The following TECPR1 variants were observed in gnomAD, a reference collection of about 807,000 sequenced individuals.
TECPR1 encodes the protein tectonin beta-propeller repeat-containing protein 1.
A neutral mutation model predicts 162.4 loss-of-function variants in TECPR1; 122 were observed. That is an observed-to-expected ratio of 0.75 (90% CI 0.65 to 0.87). The LOEUF is 0.87. Ranked by LOEUF, TECPR1 falls within the 40% of genes least tolerant of loss-of-function variation. The pLI, the probability that TECPR1 is intolerant of heterozygous loss-of-function variation, is 0.00. For synonymous variants in TECPR1, 642 were observed against 670.6 expected (o/e 0.96, Z 0.66); for missense variants, 1,432 against 1,618.2 (o/e 0.88, Z 1.97).
rs539925545 is a variant in TECPR1 at position 98,228,891 on chromosome 7, C to T, written c.2410+148G>A. The T allele has an allele frequency of 2.9e-5, 34 of 1,181,644 alleles. No homozygotes were observed. The South Asian group carries it at 4.6e-4, about 16-fold the overall frequency. 73.2% of individuals were successfully genotyped at this position (1,181,644 alleles called of 1,614,324 possible). The stretch of plus-strand genomic sequence containing the variant: ...TGGCAGGGACCATCCTGGGTGGAGG[C>T]TGGCAGTGGTGAAGGTCACCTGTCA... On this transcript the variant is annotated intron_variant, in intron 16 of 25. Coordinates refer to ENST00000447648, the MANE Select transcript of TECPR1 (RefSeq NM_015395.3).
At chr7:98,228,882 G>T in intron 16 of TECPR1, 157 bp downstream of exon 16, 1 of 1,105,278 alleles carries the variant, frequency 9.0e-7, no homozygotes, top group Non-Finnish European at 1.3e-6. Context: ...GGACCATCCT[G>T]GGTGGAGGCT....
rs369846066 is a variant in TECPR1, at chr7:98,241,227, G to A, written c.675C>T (p.Asp225=). The A allele has an allele frequency of 1.6e-5, 25 of 1,612,422 alleles. No homozygotes were observed. In the African/African-American group the frequency reaches 1.7e-4, roughly 11 times the overall value. ...ACCCTTCGGGGTTGGAGTGGCTGACGTCCTCTCTGTACCACACCTGGGAGG... is the reference window on the plus strand; with the variant it reads ...ACCCTTCGGGGTTGGAGTGGCTGACATCCTCTCTGTACCACACCTGGGAGG... ...SLQGKVWYRE[D]VSHSNPEGSS... Residue 225 remains aspartate, a synonymous_variant, in exon 7 of 26, where the codon GAC becomes GAT. Coordinates refer to ENST00000447648, the MANE Select transcript of TECPR1 (RefSeq NM_015395.3). The surrounding 1 kb of genome is among the most constrained non-coding windows in gnomAD (Gnocchi z 5.0).
intron 21 of TECPR1, 122 bp downstream of exon 21, chr7:98,222,868 C>A: frequency 7.5e-7 from 1 of 1,326,308 alleles, no homozygotes; most frequent in Non-Finnish European, 1.1e-6. Context: ...CACAGGGACC[C>A]ACTCGGACCA....
At position 98,218,031 on chromosome 7, in the gene TECPR1, AC is replaced by A; in HGVS notation, c.3168del (p.Trp1056CysfsTer36). 6.4e-7 allele frequency: 1 copy of A among 1,564,250 alleles called. No homozygotes were observed. The highest frequency in any genetic ancestry group is 8.7e-7 in the Non-Finnish European group (1 of 1,154,926). The stretch of plus-strand genomic sequence containing the variant: ...TAGCTGGGCGTGATCCCTTGGCGAT[AC>A]CACAGGTTTCCTGGGGAGAAAAGCA... ...VYALDENGNL[W>X]YRQGITPSYP... is the part of the protein sequence containing the mutation. On this transcript the variant is annotated frameshift_variant, in exon 24 of 26. Coordinates refer to ENST00000447648, the MANE Select transcript of TECPR1 (RefSeq NM_015395.3). LOFTEE classifies it high-confidence loss of function.
chr7:98,233,773 G>A lies in TECPR1; in HGVS notation c.1320C>T (p.Ala440=), dbSNP rs539872749. Residue 440 remains alanine (A), a synonymous_variant, in exon 11 of 26, where the codon GCC becomes GCT. Coordinates refer to ENST00000447648, the MANE Select transcript of TECPR1 (RefSeq NM_015395.3). The stretch of plus-strand genomic sequence containing the variant: ...CCAGGCCTGAGGCTGAGTTCCCTGT[G>A]GCATTCTTGGAATCGTCTAGAGGTT... ...PAEPLDDSKN[A]TGNSASGLGA... The A allele has an allele frequency of 6.2e-7, 1 of 1,612,386 alleles. No individual in the cohort carries two copies. The highest frequency in any genetic ancestry group is 1.7e-5 in the Admixed American group (1 of 59,926).
chr7:98,240,894 G>A lies in TECPR1; in HGVS notation c.890C>T (p.Ser297Leu), dbSNP rs2065127068. 8 of 1,609,248 alleles carry A rather than the reference G, an allele frequency of 5.0e-6. No individual in the cohort carries two copies. Among genetic ancestry groups the A allele is most frequent in the South Asian group, 1.1e-5 (1 of 89,750 alleles). ...AGCCCAGACCACGCTGACTCCCACCGAGATGTGCATGACCCCGTTTTCAGA... is the reference window on the plus strand; with the variant it reads ...AGCCCAGACCACGCTGACTCCCACCAAGATGTGCATGACCCCGTTTTCAGA... ...PGSENGVMHI[S>L]VGVSVVWAVT... Residue 297 changes from serine (S) to leucine (L), a missense_variant, in exon 8 of 26, where the codon TCG (serine) becomes TTG (leucine). By Grantham distance (145) the Ser-to-Leu change is moderately radical (BLOSUM62 -2). Transcript: ENST00000447648.
intron 8 of TECPR1, 60 bp from the exon 9 acceptor site, chr7:98,238,670 C>T (rs564128548): frequency 3.8e-5 from 51 of 1,358,534 alleles, no homozygotes; most frequent in African/African-American, 2.2e-4. Flanking sequence ...ACGGTTCGTT[C>T]GTTTAAGCCT....
At chr7:98,234,032 C>T (rs1446912418) in intron 10 of TECPR1, 121 bp from the exon 11 acceptor site, 8 of 1,272,228 alleles carry the variant, frequency 6.3e-6, no homozygotes, top group Non-Finnish European at 8.5e-6. Context: ...GTCAGAACCT[C>T]TCTGAACTCC....
rs769013152 is a variant in TECPR1, at chr7:98,222,411, T to A, written c.3039A>T (p.Gly1013=). The A allele has an allele frequency of 1.4e-5, 23 of 1,599,218 alleles. No homozygotes were observed. Among genetic ancestry groups the A allele is most frequent in the Non-Finnish European group, 1.9e-5 (22 of 1,173,954 alleles). ...VARDGSAFYR[G]SVYPSQPAGD... is the part of the protein sequence containing the mutation. ...CGGCTGGCTGCGAGGGGTACACGGATCCCCGGTAGAAGGCGGAGCCGTCCC... is the reference window on the plus strand; with the variant it reads ...CGGCTGGCTGCGAGGGGTACACGGAACCCCGGTAGAAGGCGGAGCCGTCCC... The change falls in exon 22 of 26, where the codon GGA becomes GGT. Residue 1013 remains glycine, a synonymous_variant. Coordinates refer to ENST00000447648, the MANE Select transcript of TECPR1 (RefSeq NM_015395.3).
Position 98,233,625 on chromosome 7 carries a change from T to C in TECPR1, c.1468A>G (p.Ile490Val). ...ACTTTCTTGGCCTCCTTGAGGTCAA[T>C]ATTGGTCCAGGGCAGCTCGGCCGGG... is the stretch of plus-strand genomic sequence containing the variant. The part of the protein sequence containing the change: ...PTPAELPWTN[I>V]DLKEAKKVPS... The change falls in exon 11 of 26, where the codon ATT becomes GTT. Residue 490 changes from isoleucine (I) to valine (V), a missense_variant. Physicochemically the swap from Ile to Val is conservative, Grantham distance 29 (BLOSUM62 3). Transcript: ENST00000447648. 3.8e-6 allele frequency: 6 copies of C among 1,588,256 alleles called. No individual in the cohort carries two copies. The highest frequency in any genetic ancestry group is 1.3e-5 in the African/African-American group (1 of 74,092).
In TECPR1 at chr7:98,241,421, C is replaced by G. The variant is rs1396453703; in HGVS notation, c.658-177G>C. The G allele has an allele frequency of 5.5e-6, 4 of 724,806 alleles. No homozygotes were observed. The highest frequency in any genetic ancestry group is 7.8e-4 in the Middle Eastern group (2 of 2,562). The allele number at this position is 724,806 out of a possible 1,614,324, so 44.9% of individuals were successfully genotyped here. On this transcript the variant is annotated intron_variant, in intron 6 of 25. Transcript: ENST00000447648. This position sits in a 1 kb window ranked among gnomAD's most constrained non-coding sequence, Gnocchi z 5.0. ...TGGATTCCGGTGGTCCTGAGGGATACACTTGTTCCATTCATCTGTTTGGGG... is the reference window on the plus strand; with the variant it reads ...TGGATTCCGGTGGTCCTGAGGGATAGACTTGTTCCATTCATCTGTTTGGGG...
chr7:98,240,606 GGTTTCACCAT>G lies in TECPR1; in HGVS notation c.933+235_933+244del, dbSNP rs1238587014. 7.2e-5 allele frequency among the ~76,000 whole-genome samples: 11 copies of G among 152,138 alleles called. No homozygotes were observed. The East Asian group carries it at 2.1e-3, about 29-fold the overall frequency. ...TTTTTTGTATTTTTAGTAGAAACAAGGTTTCACCATGTTGGCCAGGCTGGTCTTGAACTCC... is the reference window on the plus strand; with the variant it reads ...TTTTTTGTATTTTTAGTAGAAACAAGGTTGGCCAGGCTGGTCTTGAACTCC... On this transcript the variant is annotated intron_variant, in intron 8 of 25. Transcript: ENST00000447648.
At chr7:98,223,610 G>A (rs1176830568) in intron 20 of TECPR1, 52 bp downstream of exon 20, 1 of 1,590,994 alleles carries the variant, frequency 6.3e-7, no homozygotes, top group African/African-American at 1.3e-5. Context: ...TCCCTCAAGG[G>A]TGGCTCCTCC....
Position 98,246,328 on chromosome 7 carries a change from G to A in TECPR1, c.-19-163C>T, listed in dbSNP as rs564848755. On this transcript the variant is annotated intron_variant, in intron 2 of 25. Coordinates refer to ENST00000447648, the MANE Select transcript of TECPR1 (RefSeq NM_015395.3). ...GTCACCCAGGCTGGAGTGCAGTGGC[G>A]CAATCTTGGCTCACTGCAACCTCCA... Among the ~76,000 whole-genome samples, 493 of 148,486 alleles carry A rather than the reference G, an allele frequency of 3.3e-3. 2 individuals are homozygous for A. Among genetic ancestry groups the A allele is most frequent in the Non-Finnish European group, 5.2e-3 (352 of 67,248 alleles).
intron 2 of TECPR1, among the ~76,000 whole-genome samples, chr7:98,247,555 C>G (rs1455248571): frequency 6.6e-6 from 1 of 152,074 alleles, no homozygotes; most frequent in Non-Finnish European, 1.5e-5. Flanking sequence ...CAGGTCTCCC[C>G]GCCATGTTGG....
At chr7:98,222,254 A>G in intron 22 of TECPR1, 132 bp downstream of exon 22, 1 of 1,310,446 alleles carries the variant, frequency 7.6e-7, no homozygotes, top group African/African-American at 1.5e-5. Flanking sequence ...AGTCAGTCCC[A>G]GTGGGAGGGG....
intron 5 of TECPR1, 68 bp from the exon 6 acceptor site, chr7:98,243,660 C>A: frequency 1.3e-6 from 2 of 1,538,818 alleles, no homozygotes. Flanking sequence ...CACCCACCTC[C>A]CGCCCGCCTG....
At chr7:98,225,878 G>A (rs1426846132) in intron 17 of TECPR1, among the ~76,000 whole-genome samples, 2 of 152,078 alleles carry the variant, frequency 1.3e-5, no homozygotes, top group Non-Finnish European at 2.9e-5. Context: ...GGCTGATCTC[G>A]CCTTGTAAAG....
chr7:98,231,822 C>T lies in TECPR1; in HGVS notation c.1956G>A (p.Val652=). 1 of 1,612,786 alleles carries T rather than the reference C, an allele frequency of 6.2e-7. No individual in the cohort carries two copies. The change falls in exon 13 of 26, where the codon GTG becomes GTA. Residue 652 remains valine (V), a synonymous_variant. Coordinates refer to ENST00000447648, the MANE Select transcript of TECPR1 (RefSeq NM_015395.3). ...VRDSILFIYY[V]VHEEKKYIHI... ...TGGGCACCTTCTTCTCCTCGTGGAC[C>T]ACATAGTAGATGAAGAGGATGCTGT... is the stretch of plus-strand genomic sequence containing the variant.
Sources: gnomAD v4.1 joint callset for allele counts (sites outside exome capture counted in the v4.1 genomes callset) on GRCh38, gnomAD v4.1.1 for gene constraint, Gnocchi (gnomAD v3.1) non-coding constraint, MANE v1.5 for transcripts, NCBI Gene and HGNC (gene_info 2026-07-23, HGNC 2026-07-21) for gene names.